MIPOL1: variants seen among roughly 807,000 people sequenced by gnomAD.
MIPOL1 encodes mirror-image polydactyly 1, also known as mirror-image polydactyly gene 1 protein.
Under a neutral mutation model 60.9 loss-of-function variants are expected in MIPOL1, and 57 were observed. The observed-to-expected ratio is 0.94, with a 90% CI of 0.76 to 1.17. The LOEUF (loss-of-function observed/expected upper bound fraction) is 1.17, where lower values mean the gene tolerates loss of function less well. Ranked by LOEUF, MIPOL1 falls within the 50% of genes most tolerant of loss-of-function variation. The probability of loss-of-function intolerance (pLI) is 0.00; values close to 1 mark genes in which losing one functional copy is unlikely to be tolerated. For missense variants in MIPOL1, 551 were observed against 511.6 expected (o/e 1.08, Z -0.74); for synonymous variants, 179 against 168.8 (o/e 1.06, Z -0.47).
intron 11 of MIPOL1, among the ~76,000 whole-genome samples, chr14:37,492,712 T>C (rs1314823322): frequency 6.6e-6 from 1 of 152,188 alleles, no homozygotes; most frequent in East Asian, 1.9e-4. Flanking sequence ...TTTGAATCTT[T>C]ATCTTCTAAG....
chr14:37,216,513 T>C (rs780757335), intron 1 of MIPOL1, among the ~76,000 whole-genome samples: 6 of 152,232 alleles, frequency 3.9e-5, no homozygotes, highest in Admixed American at 1.3e-4. Context: ...ATCATTCTCA[T>C]GGATAGACCA....
At chr14:37,486,538 A>T (rs1029968656) in intron 11 of MIPOL1, among the ~76,000 whole-genome samples, 3 of 151,948 alleles carry the variant, frequency 2.0e-5, no homozygotes, top group Non-Finnish European at 4.4e-5. Flanking sequence ...TCTTGAAGAG[A>T]TCCTTCACAT....
chr14:37,359,073 C>T (rs562148572), intron 9 of MIPOL1, among the ~76,000 whole-genome samples: 6 of 152,268 alleles, frequency 3.9e-5, no homozygotes, highest in East Asian at 3.9e-4. Context: ...TTTCCCAGCA[C>T]GATTTATTAA....
At chr14:37,461,170 G>C (rs2094534274) in intron 11 of MIPOL1, among the ~76,000 whole-genome samples, 1 of 152,138 alleles carries the variant, frequency 6.6e-6, no homozygotes, top group African/African-American at 2.4e-5. Context: ...TCACACTGCT[G>C]ATAAAGACAT....
chr14:37,200,844 CTATCTATGTG>C (rs1350685081), intron 1 of MIPOL1, among the ~76,000 whole-genome samples: 22 of 119,174 alleles, frequency 1.8e-4, no homozygotes, highest in African/African-American at 7.2e-4. Flanking sequence ...AATACTATAT[CTATCTATGTG>C]TGTGTGTGTG....
intron 9 of MIPOL1, among the ~76,000 whole-genome samples, chr14:37,362,234 G>T (rs552848016): frequency 6.6e-6 from 1 of 152,302 alleles, no homozygotes; most frequent in East Asian, 1.9e-4. Context: ...GCATGTTTTT[G>T]CAGTGGCTAG....
At chr14:37,199,841 T>C (rs1008566451) in intron 1 of MIPOL1, among the ~76,000 whole-genome samples, 3 of 152,174 alleles carry the variant, frequency 2.0e-5, no homozygotes, top group African/African-American at 7.2e-5. Context: ...ACATTTTTAT[T>C]GCGTATATGC....
intron 1 of MIPOL1, among the ~76,000 whole-genome samples, chr14:37,222,387 T>G (rs886716138): frequency 3.1e-5 from 4 of 127,478 alleles, no homozygotes; most frequent in African/African-American, 1.2e-4. Context: ...CACACCTGGC[T>G]TTTTTTTTTT....
intron 9 of MIPOL1, among the ~76,000 whole-genome samples, chr14:37,353,930 A>T (rs948449768): frequency 6.6e-6 from 1 of 150,796 alleles, no homozygotes; most frequent in African/African-American, 2.4e-5. Context: ...GATTTTAGTT[A>T]TTTCTTGCCT....
intron 12 of MIPOL1, among the ~76,000 whole-genome samples, chr14:37,508,049 GC>G (rs2095295268): frequency 6.6e-6 from 1 of 152,026 alleles, no homozygotes; most frequent in Admixed American, 6.6e-5. Context: ...GAGGCTATTA[GC>G]CTATTTTATT....
At chr14:37,320,850 G>T (rs538179952) in intron 9 of MIPOL1, among the ~76,000 whole-genome samples, 6 of 151,982 alleles carry the variant, frequency 3.9e-5, no homozygotes, top group African/African-American at 1.4e-4. Context: ...TTAATGAATT[G>T]TGTCTCCCCA....
At chr14:37,277,366 G>A (rs1190734059) in intron 6 of MIPOL1, 1 of 151,114 alleles carries the variant, frequency 6.6e-6, no homozygotes, top group Non-Finnish European at 1.5e-5. Flanking sequence ...AATTTTTTAA[G>A]TTATATTTCA....
intron 6 of MIPOL1, among the ~76,000 whole-genome samples, chr14:37,275,717 T>C (rs2083606160): frequency 6.6e-6 from 1 of 151,248 alleles, no homozygotes; most frequent in African/African-American, 2.4e-5. Flanking sequence ...TATTTTGTGA[T>C]ATTTAAAATA....
rs1282442851 is a variant in MIPOL1 at position 37,437,964 on chromosome 14, A to G, written c.1031+15015A>G. Among the ~76,000 whole-genome samples the G allele has an allele frequency of 2.6e-5, 4 of 152,148 alleles. No individual in the cohort carries two copies. In the East Asian group the frequency reaches 7.7e-4, roughly 29 times the overall value. On this transcript the variant is annotated intron_variant, in intron 11 of 12. Transcript: ENST00000684589. ...AGGCATTAAACGCAATATTTTGTGA[A>G]CACAATATGCAATCATTTGATTTTT...
At chr14:37,242,932 GC>G (rs1256686405) in intron 1 of MIPOL1, among the ~76,000 whole-genome samples, 5 of 152,140 alleles carry the variant, frequency 3.3e-5, no homozygotes, top group African/African-American at 4.8e-5. Flanking sequence ...GAGAGAAATG[GC>G]TTAGAGATCT....
chr14:37,198,680 T>C lies in MIPOL1; in HGVS notation c.-199+576T>C, dbSNP rs1382845827. On this transcript the variant is annotated intron_variant, in intron 1 of 12. Transcript: ENST00000684589. ...GATGGAGGGAACAAGACAGCCGCAT[T>C]ATTAGACAAGGATGGTAGAAAGGAA... 2.0e-5 allele frequency among the ~76,000 whole-genome samples: 3 copies of C among 152,190 alleles called. No individual in the cohort carries two copies. The East Asian group carries it at 5.8e-4, about 29-fold the overall frequency.
chr14:37,307,672 T>G (rs1011733597), intron 7 of MIPOL1, among the ~76,000 whole-genome samples: 2 of 151,984 alleles, frequency 1.3e-5, no homozygotes, highest in African/African-American at 4.8e-5. Flanking sequence ...TAGCCTTGTT[T>G]TACTTATGAT....
chr14:37,482,760 CA>C (rs1168228338), intron 11 of MIPOL1, among the ~76,000 whole-genome samples: 2 of 152,044 alleles, frequency 1.3e-5, no homozygotes, highest in Non-Finnish European at 2.9e-5. Context: ...AAAGCCTAAC[CA>C]TATCAGCTGT....
chr14:37,232,724 T>C (rs1393091687), intron 1 of MIPOL1, among the ~76,000 whole-genome samples: 2 of 152,216 alleles, frequency 1.3e-5, no homozygotes, highest in African/African-American at 4.8e-5. Context: ...TCACTTTTTT[T>C]CCTCAATTTT....
Sources: gnomAD v4.1 joint callset for allele counts (sites outside exome capture counted in the v4.1 genomes callset) on GRCh38, gnomAD v4.1.1 for gene constraint, MANE v1.5 for transcripts, NCBI Gene and HGNC (gene_info 2026-07-23, HGNC 2026-07-21) for gene names.